Variants in KRT3 observed in about 807,000 individuals in gnomAD.
The protein encoded by KRT3 is keratin 3.
Under a neutral mutation model 45.8 loss-of-function variants are expected in KRT3, and 34 were observed. That is an observed-to-expected ratio of 0.74 (90% CI 0.57 to 0.99). The LOEUF is 0.99. KRT3 is among the 50% of genes least tolerant of loss of function. The probability of loss-of-function intolerance (pLI) is 0.00; values close to 1 mark genes in which losing one functional copy is unlikely to be tolerated. For missense variants in KRT3, 828 were observed against 820.6 expected (o/e 1.01, Z -0.11); for synonymous variants, 367 against 329.0 (o/e 1.12, Z -1.25).
intron 6 of KRT3, 101 bp downstream of exon 6, chr12:52,791,590 T>C: frequency 6.5e-7 from 1 of 1,529,482 alleles, no homozygotes; most frequent in Non-Finnish European, 9.0e-7. Context: ...TCAGCCAGCC[T>C]GAGATGACCT....
At position 52,795,749 on chromosome 12, in the gene KRT3, C is replaced by A; in HGVS notation, c.294G>T (p.Gly98=). ...CACCAAAGCCACCTCCATAGCCGCT[C>A]CCAAAGCCACCTCCATAGCCACCTG... is the stretch of plus-strand genomic sequence containing the variant. The part of the protein sequence containing the change: ...AFAGGYGGGF[G]SGYGGGFGGG... The change falls in exon 1 of 9, where the codon GGG becomes GGT. Residue 98 remains glycine (G), a synonymous_variant. Coordinates refer to ENST00000417996, the MANE Select transcript of KRT3 (RefSeq NM_057088.3). 1 of 1,613,116 alleles carries A rather than the reference C, an allele frequency of 6.2e-7. No individual in the cohort carries two copies. Among genetic ancestry groups the A allele is most frequent in the Non-Finnish European group, 8.5e-7 (1 of 1,179,202 alleles).
intron 1 of KRT3, among the ~76,000 whole-genome samples, chr12:52,794,879 G>C (rs1475163927): frequency 6.6e-6 from 1 of 152,216 alleles, no homozygotes; most frequent in Non-Finnish European, 1.5e-5. Context: ...ACTAGGCTGA[G>C]TAGGAGTGCA....
In KRT3 at chr12:52,791,158, C is replaced by T. The variant is rs769965580; in HGVS notation, c.1535+48G>A. 1.4e-5 allele frequency: 23 copies of T among 1,612,972 alleles called. No homozygotes were observed. In the Admixed American group the frequency reaches 3.5e-4, roughly 25 times the overall value. ...ACTTGGTCACTTATCTGGCCCTTGG[C>T]CTATGACTTGAGCCAGGGGGTGTGG... On this transcript the variant is annotated intron_variant, in intron 7 of 8. Coordinates refer to ENST00000417996, the MANE Select transcript of KRT3 (RefSeq NM_057088.3).
chr12:52,791,125 C>T (rs1346258294), intron 7 of KRT3, 81 bp downstream of exon 7: 1 of 1,599,516 alleles, frequency 6.3e-7, no homozygotes, highest in Non-Finnish European at 8.5e-7. Context: ...AGGGCTCCAT[C>T]CCCAGTTACT....
At position 52,796,047 on chromosome 12, in the gene KRT3, A is replaced by G. The variant is rs1012671916; in HGVS notation, c.-5T>C. On this transcript the variant is annotated 5_prime_UTR_variant, in exon 1 of 9. Coordinates refer to ENST00000417996, the MANE Select transcript of KRT3 (RefSeq NM_057088.3). ...CTTGCTGGCTTGTCTGCTCATGGTAAGGAGCTTGGCGAAGAGAAGAGTGTA... is the reference window on the plus strand; with the variant it reads ...CTTGCTGGCTTGTCTGCTCATGGTAGGGAGCTTGGCGAAGAGAAGAGTGTA... 1.1e-5 allele frequency: 18 copies of G among 1,612,828 alleles called. 1 individual carries two copies. The Admixed American group carries it at 2.5e-4, about 22-fold the overall frequency.
At chr12:52,792,513 G>A (rs1227481683) in intron 4 of KRT3, 110 bp from the exon 5 acceptor site, 1 of 1,170,124 alleles carries the variant, frequency 8.5e-7, no homozygotes, top group African/African-American at 1.5e-5. Context: ...TGCTCCACAT[G>A]TGTATCAGCC....
rs3887954 is a variant in KRT3, at chr12:52,792,304, G to A, written c.1123C>T (p.Arg375Cys). The stretch of plus-strand genomic sequence containing the variant: ...TGAGCGATATCCTCATACTGTGCAC[G>A]AACTTCAGCAATGATGCTGTCCAGG... ...LDLDSIIAEV[R>C]AQYEDIAQRS... The change falls in exon 5 of 9, where the codon CGT (arginine) becomes TGT (cysteine). Residue 375 changes from arginine (R) to cysteine (C), a missense_variant. Transcript: ENST00000417996. The A allele has an allele frequency of 3.7e-6, 6 of 1,613,784 alleles. No individual in the cohort carries two copies. The highest frequency in any genetic ancestry group is 2.2e-5 in the East Asian group (1 of 44,860).
rs576534580 is a variant in KRT3, at chr12:52,790,084, C to T, written c.1845G>A (p.Lys615=). 6.5e-7 allele frequency: 1 copy of T among 1,541,732 alleles called. No individual in the cohort carries two copies. Among genetic ancestry groups the T allele is most frequent in the Non-Finnish European group, 8.7e-7 (1 of 1,146,904 alleles). Residue 615 remains lysine, a synonymous_variant, in exon 9 of 9, where the codon AAG becomes AAA. Coordinates refer to ENST00000417996, the MANE Select transcript of KRT3 (RefSeq NM_057088.3). ...GGGAGGACTGGGAGGACTGGGAGAA[C>T]TTGATGCTGCCGCCCCGGTTGCTGG... ...SSASNRGGSI[K]FSQSSQSSQR...
In KRT3 at chr12:52,792,714, G is replaced by A. The variant is rs150031039; in HGVS notation, c.1020C>T (p.Asp340=). ...DEIDFLRTLY[D]AELSQMQSHI... ...TCTTAGTAGGTAACATCCTTACAGC[G>A]TCGTAGAGGGTCCTTAAGAAGTCGA... is the stretch of plus-strand genomic sequence containing the variant. The change falls in exon 4 of 9, where the codon GAC becomes GAT. Residue 340 remains aspartate (D), a synonymous_variant. Transcript: ENST00000417996. The A allele has an allele frequency of 3.9e-5, 63 of 1,602,564 alleles. 1 individual carries two copies. The highest frequency in any genetic ancestry group is 1.1e-4 in the African/African-American group (8 of 74,746).
chr12:52,790,346 C>A lies in KRT3; in HGVS notation c.1583G>T (p.Ser528Ile). Residue 528 changes from serine to isoleucine, a missense_variant, in exon 9 of 9, where the codon AGC becomes ATC. By Grantham distance (142) the Ser-to-Ile change is moderately radical (BLOSUM62 -2). Transcript: ENST00000417996. ...PSAVSISVVS[S>I]STTSASAGGY... ...ACCTGCGGAGGCGGAAGTCGTGCTG[C>A]TGCTGACCACGGCTGTGGGGGAGAG... The A allele has an allele frequency of 6.3e-7, 1 of 1,596,060 alleles. No individual in the cohort carries two copies. The highest frequency in any genetic ancestry group is 8.5e-7 in the Non-Finnish European group (1 of 1,170,586).
At position 52,792,383 on chromosome 12, in the gene KRT3, G is replaced by T. The variant is rs771087005; in HGVS notation, c.1044C>A (p.Ser348Arg). Residue 348 changes from serine to arginine, a missense_variant, in exon 5 of 9, where the codon AGC (serine) becomes AGA (arginine). By Grantham distance (110) the Ser-to-Arg change is moderately radical. Transcript: ENST00000417996. ...GCACCACAGATGTGTCACTGATGTG[G>T]CTCTGCATCTGAGATAGCTCCTGTC... is the stretch of plus-strand genomic sequence containing the variant. ...LYDAELSQMQ[S>R]HISDTSVVLS... 6.2e-7 allele frequency: 1 copy of T among 1,614,024 alleles called. No individual in the cohort carries two copies. The highest frequency in any genetic ancestry group is 1.1e-5 in the South Asian group (1 of 91,072).
At position 52,790,185 on chromosome 12, in the gene KRT3, C is replaced by CGCTGCTGCCACCGCTGAAACT; in HGVS notation, c.1743_1744insAGTTTCAGCGGTGGCAGCAGC (p.Ser581_Gly582insSerPheSerGlyGlySerSer). 1 of 1,548,892 alleles carries CGCTGCTGCCACCGCTGAAACT rather than the reference C, an allele frequency of 6.5e-7. No homozygotes were observed. The highest frequency in any genetic ancestry group is 1.7e-4 in the Middle Eastern group (1 of 5,768). On this transcript the variant is annotated inframe_insertion, in exon 9 of 9. Coordinates refer to ENST00000417996, the MANE Select transcript of KRT3 (RefSeq NM_057088.3). Reference sequence around the variant, plus strand: ...CCAAAGCCGCTGCCACCGCTGAAACCGCTGCTGCCGCCGCCAAATCCACCG... The same window carrying CGCTGCTGCCACCGCTGAAACT: ...CCAAAGCCGCTGCCACCGCTGAAACCGCTGCTGCCACCGCTGAAACTGCTGCTGCCGCCGCCAAATCCACCG...
At chr12:52,793,467 C>T (rs1342140671) in intron 2 of KRT3, among the ~76,000 whole-genome samples, 1 of 152,222 alleles carries the variant, frequency 6.6e-6, no homozygotes, top group East Asian at 1.9e-4. Context: ...CAGTCCCAGG[C>T]AAACCTCTGG....
chr12:52,790,734 C>T, intron 8 of KRT3, 104 bp downstream of exon 8: 2 of 1,090,464 alleles, frequency 1.8e-6, no homozygotes, highest in Middle Eastern at 1.9e-4. Context: ...CAGAAAACCC[C>T]TCCAACTTCC....
At chr12:52,794,930 G>T (rs1294745427) in intron 1 of KRT3, among the ~76,000 whole-genome samples, 1 of 152,160 alleles carries the variant, frequency 6.6e-6, no homozygotes, top group Non-Finnish European at 1.5e-5. Context: ...ACTAACTAAG[G>T]TTCTTATGCT....
intron 6 of KRT3, 56 bp downstream of exon 6, chr12:52,791,635 C>A: frequency 6.2e-7 from 1 of 1,610,010 alleles, no homozygotes; most frequent in South Asian, 1.1e-5. Context: ...GTCCTGAGAT[C>A]CTAGCCCCTG....
At chr12:52,792,585 C>T (rs1387562976) in intron 4 of KRT3, 126 bp downstream of exon 4, 1 of 972,166 alleles carries the variant, frequency 1.0e-6, no homozygotes. Context: ...GGAATCCCTT[C>T]CAAGGGTCCT....
At position 52,790,027 on chromosome 12, in the gene KRT3, G is replaced by A. The variant is rs80023802; in HGVS notation, c.*15C>T. On this transcript the variant is annotated 3_prime_UTR_variant, in exon 9 of 9. Coordinates refer to ENST00000417996, the MANE Select transcript of KRT3 (RefSeq NM_057088.3). ...GGGGAGGCGCTGGAGTGGCTGCGAT[G>A]CTGATGCGTGCTCTTTATCTGGAGT... The A allele has an allele frequency of 0.1, 153,712 of 1,537,236 alleles. 8,929 individuals carry two copies. Among genetic ancestry groups the A allele is most frequent in the Middle Eastern group, 0.17 (1,027 of 5,942 alleles).
chr12:52,791,993 T>C (rs1939521324), intron 5 of KRT3, among the ~76,000 whole-genome samples, 177 bp from the exon 6 acceptor site: 2 of 152,238 alleles, frequency 1.3e-5, no homozygotes, highest in Non-Finnish European at 2.9e-5. Context: ...TCTGGGTTGT[T>C]GTGGTAGAAG....
Sources: allele counts gnomAD v4.1 joint callset (sites outside exome capture counted in the v4.1 genomes callset), GRCh38; gene constraint gnomAD v4.1.1; transcripts MANE v1.5; gene names NCBI Gene and HGNC (gene_info 2026-07-23, HGNC 2026-07-21).